The following EVA1C variants were observed in gnomAD, a reference collection of about 807,000 sequenced individuals.
The protein encoded by EVA1C is eva-1 homolog C.
Under a neutral mutation model 45.4 loss-of-function variants are expected in EVA1C, and 25 were observed. That is an observed-to-expected ratio of 0.55 (90% CI 0.40 to 0.77). The LOEUF (loss-of-function observed/expected upper bound fraction) is 0.77, where lower values mean the gene tolerates loss of function less well. EVA1C is among the 30% of genes least tolerant of loss of function. The pLI, the probability that EVA1C is intolerant of heterozygous loss-of-function variation, is 0.00. For synonymous variants in EVA1C, 190 were observed against 221.2 expected (o/e 0.86, Z 1.25); for missense variants, 479 against 554.8 (o/e 0.86, Z 1.37).
rs529290862 is a variant in EVA1C at position 32,439,170 on chromosome 21, G to T, written c.161-14142G>T. Among the ~76,000 whole-genome samples the T allele has an allele frequency of 3.0e-4, 46 of 151,414 alleles. 2 individuals are homozygous for T. The South Asian group carries it at 9.2e-3, about 30-fold the overall frequency. On this transcript the variant is annotated intron_variant, in intron 1 of 7. Coordinates refer to ENST00000300255, the MANE Select transcript of EVA1C (RefSeq NM_058187.5). ...CAGGAGAATCACTTGAACCCAGGAA[G>T]TGGGGGTTGCAGTGAGCTGAGATCT... is the stretch of plus-strand genomic sequence containing the variant.
At chr21:32,510,029 G>A (rs1223289698) in intron 7 of EVA1C, among the ~76,000 whole-genome samples, 2 of 149,038 alleles carry the variant, frequency 1.3e-5, no homozygotes, top group Non-Finnish European at 1.5e-5. Flanking sequence ...AAGTAATTGC[G>A]ATTTCCGACA....
At chr21:32,485,053 G>T (rs2036926168) in intron 4 of EVA1C, among the ~76,000 whole-genome samples, 1 of 152,014 alleles carries the variant, frequency 6.6e-6, no homozygotes, top group Non-Finnish European at 1.5e-5. Context: ...AAACATATTA[G>T]ACGCATGCGT....
intron 1 of EVA1C, among the ~76,000 whole-genome samples, chr21:32,444,731 C>T (rs1446980079): frequency 6.6e-6 from 1 of 151,108 alleles, no homozygotes; most frequent in Non-Finnish European, 1.5e-5. Context: ...CTCAAAGTCC[C>T]AACTCTTTAA....
chr21:32,473,069 A>C (rs2036433662), intron 4 of EVA1C, among the ~76,000 whole-genome samples: 1 of 152,266 alleles, frequency 6.6e-6, no homozygotes, highest in African/African-American at 2.4e-5. Flanking sequence ...CCTCAGCCTC[A>C]CATGGAAGGC....
chr21:32,511,055 C>CTA (rs143415850), intron 7 of EVA1C, among the ~76,000 whole-genome samples: 8 of 150,982 alleles, frequency 5.3e-5, no homozygotes, highest in African/African-American at 7.3e-5. Flanking sequence ...CTCTCTCTCT[C>CTA]TCTATCTATA....
At chr21:32,414,473 C>T (rs773407554) in intron 1 of EVA1C, among the ~76,000 whole-genome samples, 2 of 152,158 alleles carry the variant, frequency 1.3e-5, no homozygotes, top group Non-Finnish European at 2.9e-5. Flanking sequence ...TGCAACTGAA[C>T]AAATATTGCT....
chr21:32,441,129 T>TA (rs1295241500), intron 1 of EVA1C, among the ~76,000 whole-genome samples: 2 of 152,120 alleles, frequency 1.3e-5, no homozygotes, highest in African/African-American at 4.8e-5. Flanking sequence ...CATTTTCCTA[T>TA]ATGATGACAT....
At chr21:32,470,734 A>G (rs758081858) in intron 4 of EVA1C, among the ~76,000 whole-genome samples, 6 of 142,466 alleles carry the variant, frequency 4.2e-5, no homozygotes, top group African/African-American at 5.9e-5. Flanking sequence ...GGCCTCAGCT[A>G]TCTTTCTTTC....
intron 1 of EVA1C, among the ~76,000 whole-genome samples, chr21:32,421,227 G>A (rs9976461): frequency 0.02 from 3,083 of 152,286 alleles, 98 homozygotes; most frequent in African/African-American, 0.06. Flanking sequence ...CTAACCCTAT[G>A]GCTACGTTGG....
chr21:32,501,393 A>T (rs770154444), intron 5 of EVA1C, 22 bp from the exon 6 acceptor site: 14 of 1,580,430 alleles, frequency 8.9e-6, no homozygotes, highest in Non-Finnish European at 1.0e-5. Flanking sequence ...CGAATTTAAA[A>T]TATTTCTTTT....
intron 4 of EVA1C, among the ~76,000 whole-genome samples, chr21:32,478,301 C>T (rs1445097671): frequency 4.6e-5 from 7 of 152,102 alleles, no homozygotes; most frequent in Non-Finnish European, 1.0e-4. Context: ...TCACTGCAAC[C>T]TCCGCCTCCC....
At chr21:32,472,158 T>TTA (rs1568920849) in intron 4 of EVA1C, among the ~76,000 whole-genome samples, 155 of 151,200 alleles carry the variant, frequency 1.0e-3, no homozygotes, top group African/African-American at 3.7e-3. Flanking sequence ...TTAATTAATT[T>TTA]ATTTATTTAT....
chr21:32,494,071 A>C (rs2146402827), intron 4 of EVA1C, among the ~76,000 whole-genome samples: 1 of 152,272 alleles, frequency 6.6e-6, no homozygotes, highest in Middle Eastern at 3.4e-3. Flanking sequence ...AAGTGCTAGG[A>C]TTACAGGCGT....
upstream of EVA1C, chr21:32,412,352 G>C (rs931297542): frequency 6.6e-6 from 1 of 151,980 alleles, no homozygotes; most frequent in Non-Finnish European, 1.5e-5. Context: ...AGTGCGTCAC[G>C]GGCACCGGCC....
chr21:32,490,526 A>T (rs2037120136), intron 4 of EVA1C, among the ~76,000 whole-genome samples: 1 of 152,122 alleles, frequency 6.6e-6, no homozygotes, highest in African/African-American at 2.4e-5. Flanking sequence ...GAGAAAATGG[A>T]AGGAAGGAGT....
chr21:32,432,421 A>G (rs1367315440), intron 1 of EVA1C, among the ~76,000 whole-genome samples: 1 of 152,106 alleles, frequency 6.6e-6, no homozygotes, highest in East Asian at 1.9e-4. Context: ...GAAAGAAAGG[A>G]AGGCTCTGGA....
rs1347055752 is a variant in EVA1C at position 32,514,688 on chromosome 21, CA to C, written c.950-123del. ...ATGATTATTTTGGTGTAGACAGTCT[CA>C]AAGATGCTGGACTGGCATTCTTCAT... On this transcript the variant is annotated intron_variant, in intron 7 of 7. Transcript: ENST00000300255. The C allele has an allele frequency of 1.6e-5, 19 of 1,161,404 alleles. No homozygotes were observed. The African/African-American group carries it at 2.6e-4, about 16-fold the overall frequency. The allele number at this position is 1,161,404 out of a possible 1,614,324, so 71.9% of individuals were successfully genotyped here.
At chr21:32,512,520 C>G (rs1434459904) in intron 7 of EVA1C, among the ~76,000 whole-genome samples, 7 of 152,160 alleles carry the variant, frequency 4.6e-5, no homozygotes, top group Non-Finnish European at 1.0e-4. Context: ...TGTGACCCTA[C>G]TCTGTCTGCC....
intron 4 of EVA1C, among the ~76,000 whole-genome samples, chr21:32,483,473 G>C (rs1303882297): frequency 6.6e-6 from 1 of 152,120 alleles, no homozygotes; most frequent in African/African-American, 2.4e-5. Flanking sequence ...AGTAGCTCCA[G>C]CAAGCCACTC....
Sources: allele counts gnomAD v4.1 joint callset (sites outside exome capture counted in the v4.1 genomes callset), GRCh38; gene constraint gnomAD v4.1.1; transcripts MANE v1.5; gene names NCBI Gene and HGNC (gene_info 2026-07-23, HGNC 2026-07-21).